Variants in GNMT observed in about 807,000 individuals in gnomAD.
GNMT encodes glycine N-methyltransferase, also known as epididymis secretory sperm binding protein Li 182mP.
In GNMT, 26 loss-of-function variants were observed where a neutral mutation model predicts 30.2. The ratio of observed to expected loss-of-function variants is 0.86; its 90% CI spans 0.63 to 1.19. The LOEUF is 1.19. GNMT is among the 50% of genes most tolerant of loss of function. The pLI is 0.00. For missense variants in GNMT, 365 were observed against 398.1 expected (o/e 0.92, Z 0.71); for synonymous variants, 163 against 163.8 (o/e 1.00, Z 0.04).
chr6:42,961,543 T>G (rs893109136), intron 1 of GNMT, among the ~76,000 whole-genome samples: 15 of 112,866 alleles, frequency 1.3e-4, no homozygotes, highest in East Asian at 2.1e-4. Context: ...CTGTGCTCTA[T>G]TTTTCTCTTT....
At chr6:42,961,552 T>C (rs1769388072) in intron 1 of GNMT, among the ~76,000 whole-genome samples, 2 of 26,516 alleles carry the variant, frequency 7.5e-5, no homozygotes, top group Non-Finnish European at 7.4e-5. Context: ...ATTTTTCTCT[T>C]TTTTTTTTTT....
At chr6:42,962,165 G>C (rs756091149) in intron 1 of GNMT, 47 bp from the exon 2 acceptor site, 3 of 1,613,198 alleles carry the variant, frequency 1.9e-6, no homozygotes, top group South Asian at 2.2e-5. Context: ...GCCCTCCCAG[G>C]CTCCCCTAAC....
chr6:42,963,270 G>C (rs1769529696), intron 4 of GNMT, 56 bp downstream of exon 4: 7 of 1,547,886 alleles, frequency 4.5e-6, no homozygotes, highest in African/African-American at 1.4e-5. Context: ...TGGAGGGAGG[G>C]TCCAGTGGCC....
In GNMT at chr6:42,960,941, C is replaced by A; in HGVS notation, c.174C>A (p.Cys58Ter). The change falls in exon 1 of 6, where the codon TGC becomes TGA. Residue 58 changes from cysteine to a stop codon, truncating the protein, a stop_gained. Transcript: ENST00000372808. LOFTEE classifies it high-confidence loss of function. ...WLLGLLRQHG[C>*]QRVLDVACGT... ...TTGGGCTGCTGCGCCAGCACGGCTG[C>A]CAGCGGGTGCTCGACGTAGCCTGTG... 1 of 1,564,098 alleles carries A rather than the reference C, an allele frequency of 6.4e-7. No homozygotes were observed.
intron 1 of GNMT, 101 bp downstream of exon 1, chr6:42,961,074 C>G: frequency 9.6e-7 from 1 of 1,042,324 alleles, no homozygotes; most frequent in Non-Finnish European, 1.3e-6. Context: ...GTCAGGGCGG[C>G]CTTTGCCAAT....
chr6:42,963,749 G>A lies in GNMT; in HGVS notation c.*43G>A. Reference sequence around the variant, plus strand: ...ACAAGCCTCTGCCCAGGCACTGCTAGGCTCTGTCTGGAAGATGGGGACCAG... The same window carrying A: ...ACAAGCCTCTGCCCAGGCACTGCTAAGCTCTGTCTGGAAGATGGGGACCAG... On this transcript the variant is annotated 3_prime_UTR_variant, in exon 6 of 6. Transcript: ENST00000372808. The A allele has an allele frequency of 6.3e-7, 1 of 1,595,966 alleles. No homozygotes were observed. The highest frequency in any genetic ancestry group is 8.6e-7 in the Non-Finnish European group (1 of 1,164,218).
At position 42,963,528 on chromosome 6, in the gene GNMT, G is replaced by A. The variant is rs1203109175; in HGVS notation, c.717-7G>A. 6.2e-7 allele frequency: 1 copy of A among 1,613,950 alleles called. No homozygotes were observed. Among genetic ancestry groups the A allele is most frequent in the Non-Finnish European group, 8.5e-7 (1 of 1,179,860 alleles). On this transcript the variant is annotated splice_region_variant and splice_polypyrimidine_tract_variant and intron_variant, in intron 5 of 5. Transcript: ENST00000372808. ...AGTCCTCATGGTTGCTGGGGCCTCTGTTACAGTAAGTTCCGGCTCTCCTAC... is the reference window on the plus strand; with the variant it reads ...AGTCCTCATGGTTGCTGGGGCCTCTATTACAGTAAGTTCCGGCTCTCCTAC...
chr6:42,963,385 A>G lies in GNMT; in HGVS notation c.652A>G (p.Met218Val), dbSNP rs1234185444. 6 of 1,613,782 alleles carry G rather than the reference A, an allele frequency of 3.7e-6. No homozygotes were observed. The African/African-American group carries it at 8.0e-5, about 22-fold the overall frequency. Reference sequence around the variant, plus strand: ...GCTGATAGTGAACAACAAGGCCCACATGGTGACCCTGGACTATACGGTGCA... The same window carrying G: ...GCTGATAGTGAACAACAAGGCCCACGTGGTGACCCTGGACTATACGGTGCA... Reference protein sequence around the residue: ...SVLIVNNKAHMVTLDYTVQVP... With the variant: ...SVLIVNNKAHVVTLDYTVQVP... Residue 218 changes from methionine to valine, a missense_variant, in exon 5 of 6, where the codon ATG becomes GTG. Physicochemically the swap from Met to Val is conservative, Grantham distance 21. Coordinates refer to ENST00000372808, the MANE Select transcript of GNMT (RefSeq NM_018960.6).
At chr6:42,961,240 AG>A (rs1392246848) in intron 1 of GNMT, among the ~76,000 whole-genome samples, 1 of 152,156 alleles carries the variant, frequency 6.6e-6, no homozygotes, top group Non-Finnish European at 1.5e-5. Flanking sequence ...GGGCAGAAAA[AG>A]TGAGCGTCCC....
intron 1 of GNMT, among the ~76,000 whole-genome samples, chr6:42,961,981 AT>A (rs1769418424): frequency 6.6e-6 from 1 of 152,218 alleles, no homozygotes. Context: ...TGCCATGAGA[AT>A]TAATGCATAT....
chr6:42,960,941 C>T lies in GNMT; in HGVS notation c.174C>T (p.Cys58=). Residue 58 remains cysteine (C), a synonymous_variant, in exon 1 of 6, where the codon TGC becomes TGT. Coordinates refer to ENST00000372808, the MANE Select transcript of GNMT (RefSeq NM_018960.6). ...WLLGLLRQHG[C]QRVLDVACGT... is the part of the protein sequence containing the mutation. ...TTGGGCTGCTGCGCCAGCACGGCTG[C>T]CAGCGGGTGCTCGACGTAGCCTGTG... 1 of 1,564,098 alleles carries T rather than the reference C, an allele frequency of 6.4e-7. No homozygotes were observed. The highest frequency in any genetic ancestry group is 8.6e-7 in the Non-Finnish European group (1 of 1,160,526).
chr6:42,960,812 C>T lies in GNMT; in HGVS notation c.45C>T (p.Ala15=). ...GGACCCGCTCCCTGGGGGTGGCGGC[C>T]GAAGGGCTCCCGGACCAGTACGCGG... ...VYRTRSLGVA[A]EGLPDQYADG... The change falls in exon 1 of 6, where the codon GCC becomes GCT. Residue 15 remains alanine, a synonymous_variant. Coordinates refer to ENST00000372808, the MANE Select transcript of GNMT (RefSeq NM_018960.6). The T allele has an allele frequency of 2.6e-6, 4 of 1,556,508 alleles. No individual in the cohort carries two copies. The highest frequency in any genetic ancestry group is 1.7e-6 in the Non-Finnish European group (2 of 1,153,048).
chr6:42,962,639 C>G (rs529994595), intron 2 of GNMT, 123 bp from the exon 3 acceptor site: 24 of 828,890 alleles, frequency 2.9e-5, no homozygotes, highest in South Asian at 4.0e-5. Context: ...TTCTCCTCCC[C>G]CTAACTGAAC....
rs1382149690 is a variant in GNMT, at chr6:42,960,893, C to G, written c.126C>G (p.Thr42=). ...ATATCGGAGACACCCGCAGCCGCAC[C>G]GCCGAGTACAAGGCATGGCTGCTTG... ...QLYIGDTRSR[T]AEYKAWLLGL... The change falls in exon 1 of 6, where the codon ACC becomes ACG. Residue 42 remains threonine, a synonymous_variant. Transcript: ENST00000372808. 1 of 1,556,862 alleles carries G rather than the reference C, an allele frequency of 6.4e-7. No homozygotes were observed. The highest frequency in any genetic ancestry group is 2.4e-5 in the East Asian group (1 of 41,866).
At chr6:42,962,413 G>A (rs1172404544) in intron 2 of GNMT, 74 bp downstream of exon 2, 1 of 1,505,008 alleles carries the variant, frequency 6.6e-7, no homozygotes, top group African/African-American at 1.4e-5. Context: ...GCTCCTTTAA[G>A]TGGGGGCGGG....
intron 1 of GNMT, among the ~76,000 whole-genome samples, chr6:42,961,682 T>C (rs1350592213): frequency 1.3e-5 from 2 of 151,052 alleles, no homozygotes; most frequent in African/African-American, 4.9e-5. Context: ...GCCTCCCGAG[T>C]AGCTGGGACT....
Position 42,962,876 on chromosome 6 carries a change from A to G in GNMT, c.449A>G (p.Lys150Arg), listed in dbSNP as rs1265209288. The change falls in exon 3 of 6, where the codon AAA (lysine) becomes AGA (arginine). Residue 150 changes from lysine (K) to arginine (R), a missense_variant and splice_region_variant. Transcript: ENST00000372808. Reference sequence around the variant, plus strand: ...AGTTTCGCTCACTTGCCAGACTGCAAAGGTAAGAGAGGGTGTGGCCTTGGG... The same window carrying G: ...AGTTTCGCTCACTTGCCAGACTGCAGAGGTAAGAGAGGGTGTGGCCTTGGG... ...GNSFAHLPDC[K>R]GDQSEHRLAL... 1 of 1,611,432 alleles carries G rather than the reference A, an allele frequency of 6.2e-7. No homozygotes were observed. Among genetic ancestry groups the G allele is most frequent in the East Asian group, 2.2e-5 (1 of 44,860 alleles).
In GNMT at chr6:42,962,844, T is replaced by C. The variant is rs1296552048; in HGVS notation, c.417T>C (p.Leu139=). The C allele has an allele frequency of 6.2e-7, 1 of 1,614,096 alleles. No homozygotes were observed. The highest frequency in any genetic ancestry group is 1.1e-5 in the South Asian group (1 of 91,090). ...AEGGFDAVIC[L]GNSFAHLPDC... is the part of the protein sequence containing the mutation. ...GTGGCTTTGATGCTGTCATCTGCCTTGGAAACAGTTTCGCTCACTTGCCAG... is the reference window on the plus strand; with the variant it reads ...GTGGCTTTGATGCTGTCATCTGCCTCGGAAACAGTTTCGCTCACTTGCCAG... The change falls in exon 3 of 6, where the codon CTT becomes CTC. Residue 139 remains leucine (L), a synonymous_variant. Coordinates refer to ENST00000372808, the MANE Select transcript of GNMT (RefSeq NM_018960.6).
intron 1 of GNMT, 130 bp from the exon 2 acceptor site, chr6:42,962,082 C>T (rs189853395): frequency 2.9e-6 from 3 of 1,045,294 alleles, no homozygotes; most frequent in East Asian, 2.5e-5. Flanking sequence ...GTGGAGAGGG[C>T]CTGGGGAGAG....
Sources: allele counts gnomAD v4.1 joint callset (sites outside exome capture counted in the v4.1 genomes callset), GRCh38; gene constraint gnomAD v4.1.1; transcripts MANE v1.5; gene names NCBI Gene and HGNC (gene_info 2026-07-23, HGNC 2026-07-21).